PARD3: variants seen among roughly 807,000 people sequenced by gnomAD.
PARD3 encodes the protein par-3 family cell polarity regulator, also known as partitioning defective 3 homolog.
Under a neutral mutation model 155.4 loss-of-function variants are expected in PARD3, and 75 were observed. The observed-to-expected ratio is 0.48, with a 90% confidence interval of 0.40 to 0.58. The LOEUF is 0.58. Ranked by LOEUF, PARD3 falls within the 20% of genes least tolerant of loss-of-function variation. The probability of loss-of-function intolerance (pLI) is 0.00; values close to 1 mark genes in which losing one functional copy is unlikely to be tolerated. For synonymous variants in PARD3, 576 were observed against 610.5 expected (o/e 0.94, Z 0.83); for missense variants, 1,642 against 1,721.7 (o/e 0.95, Z 0.82).
intron 22 of PARD3, among the ~76,000 whole-genome samples, chr10:34,197,287 C>G (rs1453386116): frequency 2.0e-5 from 3 of 152,146 alleles, no homozygotes; most frequent in East Asian, 3.9e-4. Context: ...AGATGCTCTT[C>G]ATGTGTTAAC....
intron 21 of PARD3, among the ~76,000 whole-genome samples, chr10:34,280,143 A>C (rs1342588510): frequency 6.6e-6 from 1 of 152,184 alleles, no homozygotes; most frequent in African/African-American, 2.4e-5. Flanking sequence ...ATCATAGCTA[A>C]TATTTCATGT....
chr10:34,375,094 A>T (rs1049569368), intron 10 of PARD3, 92 bp from the exon 11 acceptor site: 63 of 834,832 alleles, frequency 7.5e-5, no homozygotes, highest in Admixed American at 5.3e-4. Context: ...ACACACACAC[A>T]CTCTAGGACT....
chr10:34,619,419 T>C (rs2091478491), intron 2 of PARD3, among the ~76,000 whole-genome samples: 1 of 152,182 alleles, frequency 6.6e-6, no homozygotes, highest in South Asian at 2.1e-4. Flanking sequence ...TTGTTCTCTC[T>C]TCAACTACAA....
At chr10:34,196,897 T>C (rs1290609328) in intron 22 of PARD3, among the ~76,000 whole-genome samples, 4 of 152,198 alleles carry the variant, frequency 2.6e-5, no homozygotes, top group African/African-American at 7.2e-5. Context: ...AAGGCCTGTG[T>C]CTGGGTGACA....
At chr10:34,234,966 T>C (rs1465200959) in intron 22 of PARD3, among the ~76,000 whole-genome samples, 1 of 152,240 alleles carries the variant, frequency 6.6e-6, no homozygotes, top group African/African-American at 2.4e-5. Flanking sequence ...TACTAGTCCA[T>C]GGCGGATTCT....
chr10:34,798,436 G>A (rs1292218727), intron 1 of PARD3, among the ~76,000 whole-genome samples: 1 of 151,660 alleles, frequency 6.6e-6, no homozygotes. Flanking sequence ...CGGGCGCAGT[G>A]GCTCACAACT....
rs777954837 is a variant in PARD3, at chr10:34,382,935, A to G, written c.1017-13T>C. 6.2e-7 allele frequency: 1 copy of G among 1,611,132 alleles called. No individual in the cohort carries two copies. Among genetic ancestry groups the G allele is most frequent in the South Asian group, 1.1e-5 (1 of 90,110 alleles). ...CATATGTTGTGCTCTGGGTTTGAGA[A>G]AGAATAGAAAATTAGCAAATTAAGA... On this transcript the variant is annotated splice_polypyrimidine_tract_variant and intron_variant, in intron 8 of 24. Coordinates refer to ENST00000374788, the MANE Select transcript of PARD3 (RefSeq NM_001184785.2).
At chr10:34,284,099 T>A in intron 21 of PARD3, 36 bp downstream of exon 21, 1 of 1,155,486 alleles carries the variant, frequency 8.7e-7, no homozygotes, top group Non-Finnish European at 1.3e-6. Context: ...AAAGAACCTC[T>A]TTCTAAGGAG....
At chr10:34,558,101 A>G (rs2085160524) in intron 2 of PARD3, among the ~76,000 whole-genome samples, 1 of 152,178 alleles carries the variant, frequency 6.6e-6, no homozygotes, top group Non-Finnish European at 1.5e-5. Context: ...ACTCCTCTAC[A>G]GAATACACTG....
At chr10:34,712,378 G>A (rs1341425069) in intron 1 of PARD3, among the ~76,000 whole-genome samples, 2 of 152,190 alleles carry the variant, frequency 1.3e-5, no homozygotes, top group Non-Finnish European at 2.9e-5. Context: ...ATGAAAGCAG[G>A]CACCTGGTGC....
At chr10:34,153,166 A>G (rs540900033) in intron 22 of PARD3, among the ~76,000 whole-genome samples, 1 of 152,318 alleles carries the variant, frequency 6.6e-6, no homozygotes, top group South Asian at 2.1e-4. Context: ...CTGAGTATAC[A>G]CGGATGCAAT....
At chr10:34,346,002 C>G in intron 15 of PARD3, 1 of 985,148 alleles carries the variant, frequency 1.0e-6, no homozygotes, top group Non-Finnish European at 1.2e-6. Context: ...AAGAAAATAT[C>G]CAAATCATAA....
intron 19 of PARD3, among the ~76,000 whole-genome samples, chr10:34,324,050 G>A (rs1019139990): frequency 2.0e-5 from 3 of 152,200 alleles, no homozygotes; most frequent in South Asian, 2.1e-4. Context: ...TGAGCTTAAC[G>A]TACACAACGT....
rs111901406 is a variant in PARD3 at position 34,416,008 on chromosome 10, G to A, written c.715-14091C>T. ...TGAATCTGCCAGGCACTATACACAC[G>A]CTGTTCCTATTCTAGGAATAGAGAA... On this transcript the variant is annotated intron_variant, in intron 5 of 24. Transcript: ENST00000374788. Among the ~76,000 whole-genome samples the A allele has an allele frequency of 2.4e-3, 361 of 152,190 alleles. 1 individual carries two copies. The highest frequency in any genetic ancestry group is 7.6e-3 in the African/African-American group (314 of 41,530).
chr10:34,202,744 T>C (rs1473289564), intron 22 of PARD3, among the ~76,000 whole-genome samples: 1 of 152,236 alleles, frequency 6.6e-6, no homozygotes, highest in Non-Finnish European at 1.5e-5. Flanking sequence ...TATGAGTTTA[T>C]CTCCAATTTA....
At chr10:34,246,284 A>G (rs1588920134) in intron 22 of PARD3, among the ~76,000 whole-genome samples, 2 of 152,372 alleles carry the variant, frequency 1.3e-5, no homozygotes, top group Non-Finnish European at 2.9e-5. Flanking sequence ...ACAGTAGTCC[A>G]GAATTAACTT....
intron 2 of PARD3, among the ~76,000 whole-genome samples, chr10:34,555,000 G>A (rs1356136246): frequency 6.6e-6 from 1 of 152,158 alleles, no homozygotes; most frequent in African/African-American, 2.4e-5. Context: ...AGAACACAGA[G>A]GATTTTAGGA....
chr10:34,155,477 CTA>C (rs1948962488), intron 22 of PARD3, among the ~76,000 whole-genome samples: 2 of 152,112 alleles, frequency 1.3e-5, no homozygotes, highest in South Asian at 2.1e-4. Context: ...ATGTAGAACC[CTA>C]AGCTTACATG....
intron 1 of PARD3, among the ~76,000 whole-genome samples, chr10:34,702,266 G>T (rs1279210189): frequency 6.6e-6 from 1 of 151,852 alleles, no homozygotes; most frequent in Non-Finnish European, 1.5e-5. Flanking sequence ...GAGGTGGGAG[G>T]ATCACCTGAC....
Sources: allele counts gnomAD v4.1 joint callset (sites outside exome capture counted in the v4.1 genomes callset), GRCh38; gene constraint gnomAD v4.1.1; transcripts MANE v1.5; gene names NCBI Gene and HGNC (gene_info 2026-07-23, HGNC 2026-07-21).